The following PCBP3 variants were observed in gnomAD, a reference collection of about 807,000 sequenced individuals.
PCBP3 encodes the protein poly(rC)-binding protein 3.
Under a neutral mutation model 52.7 loss-of-function variants are expected in PCBP3, and 25 were observed. The ratio of observed to expected loss-of-function variants is 0.47; its 90% CI spans 0.35 to 0.66. The LOEUF is 0.66. Ranked by LOEUF, PCBP3 falls within the 30% of genes least tolerant of loss-of-function variation. PCBP3 has a pLI of 0.01. For synonymous variants in PCBP3, 162 were observed against 183.0 expected (o/e 0.89, Z 0.93); for missense variants, 391 against 490.3 (o/e 0.80, Z 1.91).
At chr21:45,870,519 A>G (rs929063258) in intron 5 of PCBP3, among the ~76,000 whole-genome samples, 3 of 152,054 alleles carry the variant, frequency 2.0e-5, no homozygotes, top group Non-Finnish European at 4.4e-5. Context: ...CCAGCCCTCC[A>G]TGGAGACACT....
chr21:45,778,323 G>A (rs975326796), intron 4 of PCBP3, among the ~76,000 whole-genome samples: 4 of 152,142 alleles, frequency 2.6e-5, no homozygotes, highest in Admixed American at 6.5e-5. Flanking sequence ...TGGATTGAGC[G>A]TGCCCATCTT....
rs533082043 is a variant in PCBP3 at position 45,789,465 on chromosome 21, G to A, written c.-126+34013G>A. 2.4e-4 allele frequency among the ~76,000 whole-genome samples: 37 copies of A among 152,270 alleles called. No homozygotes were observed. The South Asian group carries it at 7.7e-3, about 32-fold the overall frequency. On this transcript the variant is annotated intron_variant, in intron 4 of 17. Transcript: ENST00000681687. ...ATGTGTGCATACATACATGCAGTTG[G>A]GGGTTGCCAGTGTTCAATAGGGCCG...
chr21:45,781,121 A>T (rs1382593539), intron 4 of PCBP3, among the ~76,000 whole-genome samples: 2 of 152,198 alleles, frequency 1.3e-5, no homozygotes, highest in Non-Finnish European at 2.9e-5. Flanking sequence ...TTTGTCAAGG[A>T]TGACCAAGCC....
In PCBP3 at chr21:45,810,251, A is replaced by T. The variant is rs1008649987; in HGVS notation, c.-125-39710A>T. On this transcript the variant is annotated intron_variant, in intron 4 of 17. Coordinates refer to ENST00000681687, the MANE Select transcript of PCBP3 (RefSeq NM_001384156.1). ...GTGTGTGTGTGTGTGTGTGTGAGAG[A>T]GTGTGTGTGACAGAGTCTCGCTCTG... Among the ~76,000 whole-genome samples, 449 of 90,438 alleles carry T rather than the reference A, an allele frequency of 5.0e-3. 2 individuals are homozygous for T. The highest frequency in any genetic ancestry group is 0.019 in the African/African-American group (410 of 21,954). 59.3% of individuals were successfully genotyped at this position (90,438 alleles called of 152,430 possible). A position where few individuals can be genotyped will look rare whatever the true frequency, so the allele number is the denominator to read the frequency against.
At chr21:45,845,282 G>A (rs2148080810) in intron 4 of PCBP3, among the ~76,000 whole-genome samples, 1 of 152,394 alleles carries the variant, frequency 6.6e-6, no homozygotes, top group South Asian at 2.1e-4. Flanking sequence ...ACAGCATGCT[G>A]CCTTGTGATT....
chr21:45,708,174 A>G (rs1035056456), intron 2 of PCBP3, among the ~76,000 whole-genome samples: 1 of 152,176 alleles, frequency 6.6e-6, no homozygotes, highest in African/African-American at 2.4e-5. Context: ...TTCTATGTGA[A>G]AGGAGGATGT....
intron 5 of PCBP3, among the ~76,000 whole-genome samples, chr21:45,864,298 G>A (rs779829556): frequency 6.6e-6 from 1 of 152,148 alleles, no homozygotes; most frequent in Non-Finnish European, 1.5e-5. Context: ...CGAGTGAGGC[G>A]GGGTCATGGG....
At chr21:45,774,711 G>GT (rs914326783) in intron 4 of PCBP3, among the ~76,000 whole-genome samples, 1 of 152,038 alleles carries the variant, frequency 6.6e-6, no homozygotes, top group Non-Finnish European at 1.5e-5. Flanking sequence ...TTTGTTGAGA[G>GT]TTTTTATCAT....
intron 4 of PCBP3, among the ~76,000 whole-genome samples, chr21:45,825,968 G>C (rs886495928): frequency 6.6e-6 from 1 of 152,120 alleles, no homozygotes; most frequent in Non-Finnish European, 1.5e-5. Flanking sequence ...TATAACTAAA[G>C]AGGAAAGAAA....
In PCBP3 at chr21:45,901,265, G is replaced by C. The variant is rs2096028690; in HGVS notation, c.339+152G>C. On this transcript the variant is annotated intron_variant, in intron 9 of 17. Transcript: ENST00000681687. ...TACGCTCACCTCCTTTGCCTCCCAGGGCCTCTCCGCAGCTCTGGTTCACCC... is the reference window on the plus strand; with the variant it reads ...TACGCTCACCTCCTTTGCCTCCCAGCGCCTCTCCGCAGCTCTGGTTCACCC... 6.2e-6 allele frequency: 4 copies of C among 649,860 alleles called. No homozygotes were observed. In the South Asian group the frequency reaches 6.7e-5, roughly 11 times the overall value. The allele number at this position is 649,860 out of a possible 1,614,324, so 40.3% of individuals were successfully genotyped here.
rs2073624147 is a variant in PCBP3, at chr21:45,917,308, A to G, written c.676-280A>G. 1 of 377,004 alleles carries G rather than the reference A, an allele frequency of 2.7e-6. No homozygotes were observed. The highest frequency in any genetic ancestry group is 2.1e-5 in the African/African-American group (1 of 47,890). The allele number at this position is 377,004 out of a possible 1,614,324, so 23.4% of individuals were successfully genotyped here. A position where few individuals can be genotyped will look rare whatever the true frequency, so the allele number is the denominator to read the frequency against. On this transcript the variant is annotated intron_variant, in intron 12 of 17. Coordinates refer to ENST00000681687, the MANE Select transcript of PCBP3 (RefSeq NM_001384156.1). This position sits in a 1 kb window ranked among gnomAD's most constrained non-coding sequence, Gnocchi z 5.3. ...GATCACTCTTCGATTCTTTTGCTTTAAGAAACTTGGAGTCGGAAGCATCAA... is the reference window on the plus strand; with the variant it reads ...GATCACTCTTCGATTCTTTTGCTTTGAGAAACTTGGAGTCGGAAGCATCAA...
At chr21:45,783,265 TTC>T (rs2090782139) in intron 4 of PCBP3, among the ~76,000 whole-genome samples, 1 of 152,226 alleles carries the variant, frequency 6.6e-6, no homozygotes. Context: ...GAGCTCCTCT[TTC>T]ATGAAGTGCT....
intron 13 of PCBP3, among the ~76,000 whole-genome samples, chr21:45,926,310 T>C (rs1372300320): frequency 6.6e-6 from 1 of 152,240 alleles, no homozygotes; most frequent in Non-Finnish European, 1.5e-5. Flanking sequence ...CACCTGCCGT[T>C]AAGCACAGCT....
chr21:45,688,355 T>C (rs2082272492), intron 2 of PCBP3, among the ~76,000 whole-genome samples: 1 of 152,172 alleles, frequency 6.6e-6, no homozygotes, highest in Non-Finnish European at 1.5e-5. Context: ...AAATTAGAAA[T>C]CAATAATAAG....
chr21:45,855,896 A>C (rs1259429651), intron 5 of PCBP3, among the ~76,000 whole-genome samples: 2 of 152,250 alleles, frequency 1.3e-5, no homozygotes, highest in Non-Finnish European at 2.9e-5. Context: ...TTCCTATCTA[A>C]GGAGCCTGGG....
At chr21:45,691,515 A>T (rs1360790854) in intron 2 of PCBP3, among the ~76,000 whole-genome samples, 1 of 150,532 alleles carries the variant, frequency 6.6e-6, no homozygotes, top group East Asian at 1.9e-4. Flanking sequence ...CACCTCAAAT[A>T]GATGAATTTG....
At chr21:45,882,788 C>T (rs1008738417) in intron 5 of PCBP3, among the ~76,000 whole-genome samples, 8 of 152,290 alleles carry the variant, frequency 5.3e-5, no homozygotes, top group African/African-American at 1.4e-4. Context: ...AACTGTCCTT[C>T]CCCGTGTGTG....
chr21:45,700,392 TC>T (rs2083044141), intron 2 of PCBP3, among the ~76,000 whole-genome samples: 1 of 152,182 alleles, frequency 6.6e-6, no homozygotes, highest in South Asian at 2.1e-4. Flanking sequence ...AATTCTCTGT[TC>T]CCTGGATTCC....
At chr21:45,767,647 C>T (rs2089473722) in intron 4 of PCBP3, among the ~76,000 whole-genome samples, 1 of 152,366 alleles carries the variant, frequency 6.6e-6, no homozygotes, top group African/African-American at 2.4e-5. Flanking sequence ...CTTGAGGTGG[C>T]ACTTTTTTAT....
Sources: gnomAD v4.1 joint callset for allele counts (sites outside exome capture counted in the v4.1 genomes callset) on GRCh38, gnomAD v4.1.1 for gene constraint, Gnocchi (gnomAD v3.1) non-coding constraint, MANE v1.5 for transcripts, NCBI Gene and HGNC (gene_info 2026-07-23, HGNC 2026-07-21) for gene names.